The following RC3H1 variants were observed in gnomAD, a reference collection of about 807,000 sequenced individuals.
RC3H1 encodes the protein roquin-1.
RC3H1 carries 50 observed loss-of-function variants against 138.2 expected under a neutral mutation model. The ratio of observed to expected loss-of-function variants is 0.36; its 90% confidence interval spans 0.29 to 0.46. The LOEUF is 0.46. Among genes scored for constraint, RC3H1 ranks in the 20% least tolerant of loss-of-function variants. The pLI is 1.00. For synonymous variants in RC3H1, 462 were observed against 489.1 expected, an observed-to-expected ratio of 0.94 and a Z score of 0.73; for missense variants, 1,031 against 1,388.1, an observed-to-expected ratio of 0.74 and a Z score of 4.09.
In RC3H1 at chr1:174,018,719, T is replaced by C. The variant is rs79011787; in HGVS notation, c.-151+3377A>G. On this transcript the variant is annotated intron_variant, in intron 1 of 19. Transcript: ENST00000367696. ...AGAATTTTAATCCCTCTGAACCCAA[T>C]CCTGCAGAATACCTGAACCCTGAGC... is the stretch of plus-strand genomic sequence containing the variant. Among the ~76,000 whole-genome samples, 543 of 152,314 alleles carry C rather than the reference T, an allele frequency of 3.6e-3. 4 individuals carry two copies. Among genetic ancestry groups the C allele is most frequent in the African/African-American group, 0.013 (528 of 41,570 alleles).
In RC3H1 at chr1:173,992,736, A is replaced by G. The variant is rs775762062; in HGVS notation, c.231+19T>C. ...GAGAGAGAGGGAGAAATTTAAAAGT[A>G]TTAAGTCACCCATCCTACCTGAGCA... On this transcript the variant is annotated intron_variant, in intron 2 of 19. Transcript: ENST00000367696. 1.9e-6 allele frequency: 3 copies of G among 1,565,472 alleles called. No individual in the cohort carries two copies. Among genetic ancestry groups the G allele is most frequent in the Non-Finnish European group, 2.6e-6 (3 of 1,136,612 alleles).
chr1:173,951,799 A>C (rs887140095), intron 14 of RC3H1, among the ~76,000 whole-genome samples, 187 bp downstream of exon 14: 3 of 152,224 alleles, frequency 2.0e-5, no homozygotes, highest in Non-Finnish European at 4.4e-5. Flanking sequence ...TAAGTATTAA[A>C]ATATTTTTAT....
intron 9 of RC3H1, among the ~76,000 whole-genome samples, chr1:173,967,409 G>A (rs750245982): frequency 8.5e-5 from 13 of 152,166 alleles, no homozygotes; most frequent in African/African-American, 2.7e-4. Flanking sequence ...CAAAGAGCAC[G>A]CAAATTAGAA....
At chr1:173,941,666 C>A (rs563876132) in intron 18 of RC3H1, among the ~76,000 whole-genome samples, 1 of 152,164 alleles carries the variant, frequency 6.6e-6, no homozygotes, top group Non-Finnish European at 1.5e-5. Context: ...CCAGGCATGG[C>A]GGCTCACGCC....
intron 13 of RC3H1, 54 bp from the exon 14 acceptor site, chr1:173,952,192 A>ACAGGAAAT: frequency 7.3e-7 from 1 of 1,372,296 alleles, no homozygotes; most frequent in East Asian, 2.5e-5. Context: ...AAGAAACAAA[A>ACAGGAAAT]CAGGAAATGG....
intron 7 of RC3H1, among the ~76,000 whole-genome samples, chr1:173,976,805 G>A (rs1272748189): frequency 6.6e-6 from 1 of 152,036 alleles, no homozygotes; most frequent in Non-Finnish European, 1.5e-5. Flanking sequence ...AAAGTAGGCT[G>A]ATAAAAAACT....
chr1:173,980,172 C>A (rs1257770514), intron 6 of RC3H1, among the ~76,000 whole-genome samples: 1 of 151,274 alleles, frequency 6.6e-6, no homozygotes, highest in Non-Finnish European at 1.5e-5. Context: ...GCCACTGTGC[C>A]CACCCTACAC....
chr1:173,960,903 C>G (rs957981285), intron 13 of RC3H1, 174 bp downstream of exon 13: 4 of 610,770 alleles, frequency 6.5e-6, no homozygotes, highest in Non-Finnish European at 1.1e-5. Flanking sequence ...TAATGCATTA[C>G]ATTACATACA....
rs1381911015 is a variant in RC3H1 at position 173,938,251 on chromosome 1, G to A, written c.*470C>T. On this transcript the variant is annotated 3_prime_UTR_variant, in exon 20 of 20. Coordinates refer to ENST00000367696, the MANE Select transcript of RC3H1 (RefSeq NM_172071.4). ...GAATTCTCTGAAAGCTGACATTTTTGGTCTGTTTTAAGTTTATGGGGTGGT... is the reference window on the plus strand; with the variant it reads ...GAATTCTCTGAAAGCTGACATTTTTAGTCTGTTTTAAGTTTATGGGGTGGT... The A allele has an allele frequency of 6.6e-6, 1 of 152,456 alleles. No individual in the cohort carries two copies. Among genetic ancestry groups the A allele is most frequent in the African/African-American group, 2.4e-5 (1 of 41,392 alleles). 9.4% of individuals were successfully genotyped at this position (152,456 alleles called of 1,614,324 possible).
In RC3H1 at chr1:173,969,047, C is replaced by T. The variant is rs760912416; in HGVS notation, c.1334+1458G>A. Among the ~76,000 whole-genome samples, 8 of 151,560 alleles carry T rather than the reference C, an allele frequency of 5.3e-5. No homozygotes were observed. In the South Asian group the frequency reaches 8.3e-4, roughly 16 times the overall value. Reference sequence around the variant, plus strand: ...CTAATTTTTGTGTTTTTAGTAGAGACGGGGTTTCACAATGTTGGCCAGGAT... The same window carrying T: ...CTAATTTTTGTGTTTTTAGTAGAGATGGGGTTTCACAATGTTGGCCAGGAT... On this transcript the variant is annotated intron_variant, in intron 9 of 19. Transcript: ENST00000367696.
At chr1:174,012,001 A>G (rs1306792078) in intron 1 of RC3H1, among the ~76,000 whole-genome samples, 1 of 152,142 alleles carries the variant, frequency 6.6e-6, no homozygotes, top group Non-Finnish European at 1.5e-5. Flanking sequence ...GCTTGAGCCG[A>G]GAAGTTCGAG....
At chr1:173,944,051 G>A (rs750896871) in intron 17 of RC3H1, among the ~76,000 whole-genome samples, 13 of 151,620 alleles carry the variant, frequency 8.6e-5, no homozygotes, top group African/African-American at 1.7e-4. Context: ...GTGTGGGCCC[G>A]TAGTCCTAGC....
chr1:174,018,497 G>T (rs1032917085), intron 1 of RC3H1, among the ~76,000 whole-genome samples: 1 of 152,066 alleles, frequency 6.6e-6, no homozygotes, highest in Non-Finnish European at 1.5e-5. Context: ...AAAATAGAAG[G>T]AATCTACCTT....
At chr1:174,001,102 G>GT (rs1661557917) in intron 1 of RC3H1, among the ~76,000 whole-genome samples, 1 of 152,158 alleles carries the variant, frequency 6.6e-6, no homozygotes, top group Non-Finnish European at 1.5e-5. Flanking sequence ...TTGAAAAATA[G>GT]AACTTGATAA....
rs531366661 is a variant in RC3H1 at position 173,963,866 on chromosome 1, A to G, written c.1831+107T>C. Reference sequence around the variant, plus strand: ...CCAAAGTATTAAAAAATGCATTTATACATTTACTTATCTTAAAGAGGCTAC... The same window carrying G: ...CCAAAGTATTAAAAAATGCATTTATGCATTTACTTATCTTAAAGAGGCTAC... On this transcript the variant is annotated intron_variant, in intron 11 of 19. Transcript: ENST00000367696. 9 of 818,446 alleles carry G rather than the reference A, an allele frequency of 1.1e-5. No homozygotes were observed. In the South Asian group the frequency reaches 1.4e-4, roughly 13 times the overall value. The allele number at this position is 818,446 out of a possible 1,614,324, so 50.7% of individuals were successfully genotyped here.
intron 18 of RC3H1, among the ~76,000 whole-genome samples, chr1:173,942,428 C>CAA (rs60694243): frequency 0.019 from 723 of 37,682 alleles, 68 homozygotes; most frequent in African/African-American, 0.071. Context: ...GACTCAGTCT[C>CAA]AAAAAAAAAA....
At chr1:173,991,149 G>A (rs900213734) in intron 2 of RC3H1, among the ~76,000 whole-genome samples, 1 of 152,194 alleles carries the variant, frequency 6.6e-6, no homozygotes, top group African/African-American at 2.4e-5. Flanking sequence ...AGAATCACTT[G>A]AACTTGAGAG....
intron 14 of RC3H1, among the ~76,000 whole-genome samples, chr1:173,949,787 C>G (rs2102878192): frequency 6.6e-6 from 1 of 152,222 alleles, no homozygotes; most frequent in Non-Finnish European, 1.5e-5. Flanking sequence ...CCTAAATGTC[C>G]ACCAATACAA....
chr1:174,007,348 C>T (rs1661673390), intron 1 of RC3H1, among the ~76,000 whole-genome samples: 1 of 151,772 alleles, frequency 6.6e-6, no homozygotes, highest in South Asian at 2.1e-4. Context: ...CGAGATCACT[C>T]CACTGCACTC....
Sources: allele counts gnomAD v4.1 joint callset (sites outside exome capture counted in the v4.1 genomes callset), GRCh38; gene constraint gnomAD v4.1.1; transcripts MANE v1.5; gene names NCBI Gene and HGNC (gene_info 2026-07-23, HGNC 2026-07-21).